The following SLC39A11 variants were observed in gnomAD, a reference collection of about 807,000 sequenced individuals.
The protein encoded by SLC39A11 is zinc transporter ZIP11.
A neutral mutation model predicts 36.1 loss-of-function variants in SLC39A11; 33 were observed. That is an observed-to-expected ratio of 0.91 (90% CI 0.69 to 1.22). SLC39A11 has a LOEUF of 1.22. Among genes scored for constraint, SLC39A11 ranks in the 50% most tolerant of loss-of-function variants. The pLI is 0.00. For synonymous variants in SLC39A11, 166 were observed against 170.3 expected (o/e 0.97, Z 0.20); for missense variants, 432 against 430.3 (o/e 1.00, Z -0.03).
chr17:72,802,600 AAAAAAG>A (rs1259421689), intron 6 of SLC39A11, among the ~76,000 whole-genome samples: 5 of 151,830 alleles, frequency 3.3e-5, no homozygotes, highest in East Asian at 1.9e-4. Flanking sequence ...CAAAAAAAAA[AAAAAAG>A]AAAAGAAAAG....
chr17:72,720,051 G>T (rs1567982936), intron 7 of SLC39A11, among the ~76,000 whole-genome samples: 1 of 152,182 alleles, frequency 6.6e-6, no homozygotes, highest in Non-Finnish European at 1.5e-5. Context: ...GCCGACCCTT[G>T]CCGTCGACAC....
intron 4 of SLC39A11, among the ~76,000 whole-genome samples, chr17:73,023,681 G>T (rs2058435490): frequency 2.0e-5 from 3 of 152,232 alleles, no homozygotes; most frequent in South Asian, 4.1e-4. Context: ...AGTAGATATG[G>T]GGTTTCACTG....
chr17:72,960,765 C>G (rs1461558635), intron 4 of SLC39A11, among the ~76,000 whole-genome samples: 1 of 151,858 alleles, frequency 6.6e-6, no homozygotes, highest in Admixed American at 6.6e-5. Context: ...GAGCCATGAT[C>G]GCACCACTGT....
chr17:72,666,816 T>C (rs777200227), intron 7 of SLC39A11, among the ~76,000 whole-genome samples: 1 of 152,252 alleles, frequency 6.6e-6, no homozygotes, highest in Non-Finnish European at 1.5e-5. Flanking sequence ...GAAAGCTGCC[T>C]GGCAGTATGT....
At chr17:72,991,237 C>T (rs1307641713) in intron 4 of SLC39A11, among the ~76,000 whole-genome samples, 1 of 152,082 alleles carries the variant, frequency 6.6e-6, no homozygotes, top group Admixed American at 6.5e-5. Flanking sequence ...TAATACCATG[C>T]TAATATATTT....
chr17:72,744,256 A>G (rs776311930), intron 6 of SLC39A11, among the ~76,000 whole-genome samples: 2 of 152,132 alleles, frequency 1.3e-5, no homozygotes, highest in Non-Finnish European at 2.9e-5. Flanking sequence ...GTTCCCCACT[A>G]TTGACATTTG....
chr17:72,922,960 C>CAAAAAAAAAAAA (rs10645750), intron 5 of SLC39A11, among the ~76,000 whole-genome samples: 1 of 44,082 alleles, frequency 2.3e-5, no homozygotes, highest in African/African-American at 5.6e-5. Flanking sequence ...GACTCCTTCT[C>CAAAAAAAAAAAA]AAAAAAAAAA....
intron 5 of SLC39A11, among the ~76,000 whole-genome samples, chr17:72,900,181 G>GA (rs1258892584): frequency 7.1e-6 from 1 of 140,438 alleles, no homozygotes; most frequent in African/African-American, 2.9e-5. Context: ...AAGAAAGAAA[G>GA]AAAGAAAGAA....
chr17:72,957,987 C>T (rs746411656), intron 4 of SLC39A11, among the ~76,000 whole-genome samples: 2 of 152,088 alleles, frequency 1.3e-5, no homozygotes, highest in South Asian at 4.1e-4. Context: ...AGCAAAACTC[C>T]GTCTCAACAT....
At chr17:72,836,466 G>A (rs923554492) in intron 6 of SLC39A11, among the ~76,000 whole-genome samples, 1 of 151,612 alleles carries the variant, frequency 6.6e-6, no homozygotes, top group African/African-American at 2.4e-5. Flanking sequence ...TCAGCCTCCC[G>A]AGTAGCTGTG....
Position 72,861,667 on chromosome 17 carries a change from A to ATATATATCC in SLC39A11, c.431-11864_431-11863insGGATATATA, listed in dbSNP as rs1555605376. 2.6e-3 allele frequency among the ~76,000 whole-genome samples: 287 copies of ATATATATCC among 109,740 alleles called. 10 individuals are homozygous for ATATATATCC. The highest frequency in any genetic ancestry group is 9.6e-3 in the African/African-American group (258 of 26,846). The allele number at this position is 109,740 out of a possible 152,430, so 72.0% of individuals were successfully genotyped here. A position where few individuals can be genotyped will look rare whatever the true frequency, so the allele number is the denominator to read the frequency against. ...TCTATATACAACACATTATATATAT[A>ATATATATCC]TATATATATATATATATATATAAAA... On this transcript the variant is annotated intron_variant, in intron 5 of 9. Coordinates refer to ENST00000255559, the MANE Select transcript of SLC39A11 (RefSeq NM_139177.4).
At chr17:72,993,710 T>A (rs1459228222) in intron 4 of SLC39A11, among the ~76,000 whole-genome samples, 1 of 152,240 alleles carries the variant, frequency 6.6e-6, no homozygotes, top group African/African-American at 2.4e-5. Flanking sequence ...AATGTCACAC[T>A]GTTGTAATTA....
chr17:72,699,938 C>CA (rs1201751180), intron 7 of SLC39A11, among the ~76,000 whole-genome samples: 1 of 152,068 alleles, frequency 6.6e-6, no homozygotes, highest in Non-Finnish European at 1.5e-5. Context: ...AGACCCACAC[C>CA]AAAAAAATCA....
At chr17:72,820,523 G>A (rs1345657513) in intron 6 of SLC39A11, among the ~76,000 whole-genome samples, 1 of 150,940 alleles carries the variant, frequency 6.6e-6, no homozygotes, top group Non-Finnish European at 1.5e-5. Context: ...TGCCACCGCG[G>A]ATCTATTACA....
At chr17:72,859,074 G>T (rs961820880) in intron 5 of SLC39A11, among the ~76,000 whole-genome samples, 1 of 152,156 alleles carries the variant, frequency 6.6e-6, no homozygotes, top group African/African-American at 2.4e-5. Context: ...GTCTTGCTCT[G>T]GTTTCCAAGG....
At chr17:72,867,628 A>G (rs1290081817) in intron 5 of SLC39A11, among the ~76,000 whole-genome samples, 1 of 152,138 alleles carries the variant, frequency 6.6e-6, no homozygotes, top group Non-Finnish European at 1.5e-5. Context: ...CTGAAGTACT[A>G]AAAAAGGAAA....
chr17:73,064,103 A>G (rs2059926833), intron 3 of SLC39A11, among the ~76,000 whole-genome samples: 1 of 152,134 alleles, frequency 6.6e-6, no homozygotes, highest in Non-Finnish European at 1.5e-5. Context: ...AAAGGAAATA[A>G]AAAAAAGAAA....
chr17:73,040,809 AC>A (rs745649945), intron 3 of SLC39A11, among the ~76,000 whole-genome samples: 7 of 152,030 alleles, frequency 4.6e-5, no homozygotes, highest in South Asian at 2.1e-4. Flanking sequence ...ATATGGTGAA[AC>A]CCTGTTTCTA....
chr17:72,717,312 C>A (rs1160633762), intron 7 of SLC39A11, among the ~76,000 whole-genome samples: 1 of 152,010 alleles, frequency 6.6e-6, no homozygotes, highest in Non-Finnish European at 1.5e-5. Context: ...GACCCGATGC[C>A]CTGGTTTCTT....
Sources: allele counts gnomAD v4.1 joint callset (sites outside exome capture counted in the v4.1 genomes callset), GRCh38; gene constraint gnomAD v4.1.1; transcripts MANE v1.5; gene names NCBI Gene and HGNC (gene_info 2026-07-23, HGNC 2026-07-21).